Variants in KCNMA1 observed in about 807,000 individuals in gnomAD.
The protein encoded by KCNMA1 is Calcium-activated potassium channel subunit alpha-1.
In KCNMA1, 29 loss-of-function variants were observed where a neutral mutation model predicts 140.0. The ratio of observed to expected loss-of-function variants is 0.21; its 90% CI spans 0.15 to 0.28. KCNMA1 has a LOEUF of 0.28. KCNMA1 is among the 10% of genes least tolerant of loss of function. The pLI, the probability that KCNMA1 is intolerant of heterozygous loss-of-function variation, is 1.00. For missense variants in KCNMA1, 880 were observed against 1,602.2 expected (o/e 0.55, Z 7.70); for synonymous variants, 612 against 611.9 (o/e 1.00, Z 0.00).
chr10:77,614,393 A>G lies in KCNMA1; in HGVS notation c.378+22872T>C, dbSNP rs1174870358. Among the ~76,000 whole-genome samples, 7 of 152,106 alleles carry G rather than the reference A, an allele frequency of 4.6e-5. No homozygotes were observed. The East Asian group carries it at 1.3e-3, about 29-fold the overall frequency. On this transcript the variant is annotated intron_variant, in intron 1 of 27. Transcript: ENST00000286628. ...ACCAGAGTGTGCCAAATCCTGAAGG[A>G]TCCAGTTAGGAGCTTACAATCTAGC...
At position 77,189,966 on chromosome 10, in the gene KCNMA1, T is replaced by C. The variant is rs376201707; in HGVS notation, c.603-5050A>G. Among the ~76,000 whole-genome samples, 12 of 152,296 alleles carry C rather than the reference T, an allele frequency of 7.9e-5. No individual in the cohort carries two copies. The East Asian group carries it at 2.1e-3, about 27-fold the overall frequency. On this transcript the variant is annotated intron_variant, in intron 3 of 27. Coordinates refer to ENST00000286628, the MANE Select transcript of KCNMA1 (RefSeq NM_001161352.2). ...TAGGAAGAATTTCTAAAACCTAAAC[T>C]CATTCTACATCTCTTACTTTATTTT...
chr10:77,399,825 C>G (rs2096201250), intron 2 of KCNMA1, among the ~76,000 whole-genome samples: 1 of 152,178 alleles, frequency 6.6e-6, no homozygotes, highest in Non-Finnish European at 1.5e-5. Context: ...GTGCCAGGTA[C>G]AGATGAGCAG....
chr10:77,366,946 C>T (rs2094401570), intron 2 of KCNMA1, among the ~76,000 whole-genome samples: 1 of 152,192 alleles, frequency 6.6e-6, no homozygotes, highest in African/African-American at 2.4e-5. Flanking sequence ...CCTCAGCAAC[C>T]CTCACTATTT....
chr10:76,897,083 A>G (rs908932064), intron 25 of KCNMA1, among the ~76,000 whole-genome samples: 1 of 151,840 alleles, frequency 6.6e-6, no homozygotes, highest in African/African-American at 2.4e-5. Context: ...GGAAGTTCTA[A>G]GCTAAATAGA....
chr10:76,996,205 T>C (rs959361551), intron 19 of KCNMA1, among the ~76,000 whole-genome samples: 1 of 152,182 alleles, frequency 6.6e-6, no homozygotes. Flanking sequence ...AAAGGATCCT[T>C]CTCAAAGGCA....
intron 6 of KCNMA1, among the ~76,000 whole-genome samples, chr10:77,115,312 T>C (rs2097430451): frequency 6.6e-6 from 1 of 152,244 alleles, no homozygotes; most frequent in African/African-American, 2.4e-5. Flanking sequence ...TTTCTAGAGT[T>C]ACCAGATTAT....
At chr10:77,183,342 C>T in intron 5 of KCNMA1, 79 bp downstream of exon 5, 3 of 907,494 alleles carry the variant, frequency 3.3e-6, no homozygotes, top group Non-Finnish European at 5.6e-6. Flanking sequence ...AGGGAGACAG[C>T]CCCCTCATCC....
intron 2 of KCNMA1, among the ~76,000 whole-genome samples, chr10:77,341,903 C>T (rs144278912): frequency 4.6e-5 from 7 of 152,330 alleles, no homozygotes; most frequent in Non-Finnish European, 1.0e-4. Flanking sequence ...TGCTTACTGT[C>T]CCAAATGGAA....
intron 3 of KCNMA1, among the ~76,000 whole-genome samples, chr10:77,207,397 T>C (rs1364459853): frequency 6.6e-6 from 1 of 152,212 alleles, no homozygotes; most frequent in African/African-American, 2.4e-5. Context: ...CATGTGGACA[T>C]TGAAACCTTC....
chr10:77,025,171 C>T (rs1434943599), intron 16 of KCNMA1, among the ~76,000 whole-genome samples: 1 of 144,280 alleles, frequency 6.9e-6, no homozygotes, highest in Admixed American at 7.3e-5. Flanking sequence ...TCCAAAAGAA[C>T]CAACAAATCA....
exon 30 of KCNMA1, chr10:76,877,797 T>C: frequency 1.3e-6 from 2 of 1,583,782 alleles, no homozygotes; most frequent in East Asian, 2.3e-5. Context: ...GGATTTATAT[T>C]GGTTGATCTG....
chr10:77,196,937 C>T (rs749537052), intron 3 of KCNMA1, among the ~76,000 whole-genome samples: 6 of 151,872 alleles, frequency 4.0e-5, no homozygotes, highest in Non-Finnish European at 7.4e-5. Context: ...TTATAAAAGT[C>T]CATTCTGAGA....
intron 1 of KCNMA1, among the ~76,000 whole-genome samples, chr10:77,505,192 G>C (rs1188647958): frequency 6.6e-6 from 1 of 152,218 alleles, no homozygotes; most frequent in South Asian, 2.1e-4. Flanking sequence ...TAAAATAAGT[G>C]GTACCTGGGT....
At chr10:77,486,121 G>A (rs968136877) in intron 1 of KCNMA1, among the ~76,000 whole-genome samples, 5 of 152,160 alleles carry the variant, frequency 3.3e-5, no homozygotes, top group Admixed American at 6.5e-5. Context: ...TCAATACCAG[G>A]TCAAAACAGA....
chr10:77,012,083 C>A, intron 17 of KCNMA1, 40 bp from the exon 18 acceptor site: 1 of 1,612,204 alleles, frequency 6.2e-7, no homozygotes, highest in South Asian at 1.1e-5. Flanking sequence ...GTTTCATAAT[C>A]CACCCAAATG....
At position 76,887,673 on chromosome 10, in the gene KCNMA1, G is replaced by C. The variant is rs551262044; in HGVS notation, c.3462-158C>G. 46 of 809,862 alleles carry C rather than the reference G, an allele frequency of 5.7e-5. No individual in the cohort carries two copies. In the East Asian group the frequency reaches 1.2e-3, roughly 21 times the overall value. The allele number at this position is 809,862 out of a possible 1,614,324, so 50.2% of individuals were successfully genotyped here. On this transcript the variant is annotated intron_variant, in intron 27 of 27. Coordinates refer to ENST00000286628, the MANE Select transcript of KCNMA1 (RefSeq NM_001161352.2). Reference sequence around the variant, plus strand: ...TGAGGCCTTAAACATTCTTTTTCTTGTTAAATGGAAACTTCCTCTGTTTAA... The same window carrying C: ...TGAGGCCTTAAACATTCTTTTTCTTCTTAAATGGAAACTTCCTCTGTTTAA...
At chr10:76,987,526 C>A (rs2081607301) in intron 19 of KCNMA1, among the ~76,000 whole-genome samples, 1 of 152,178 alleles carries the variant, frequency 6.6e-6, no homozygotes, top group African/African-American at 2.4e-5. Context: ...CAGCCATGGA[C>A]ACTGAGCAAA....
chr10:77,066,742 G>A (rs1441068753), intron 14 of KCNMA1, among the ~76,000 whole-genome samples: 2 of 152,152 alleles, frequency 1.3e-5, no homozygotes, highest in Admixed American at 1.3e-4. Flanking sequence ...CTGTGGTTAG[G>A]GTGACATTGT....
chr10:77,211,082 T>C (rs1293352913), intron 3 of KCNMA1, among the ~76,000 whole-genome samples: 1 of 151,828 alleles, frequency 6.6e-6, no homozygotes, highest in Non-Finnish European at 1.5e-5. Context: ...TTCATATGAC[T>C]CCATAAAAGA....
Sources: gnomAD v4.1 joint callset for allele counts (sites outside exome capture counted in the v4.1 genomes callset) on GRCh38, gnomAD v4.1.1 for gene constraint, MANE v1.5 for transcripts, NCBI Gene and HGNC (gene_info 2026-07-23, HGNC 2026-07-21) for gene names.